CPNE4: variants seen among roughly 807,000 people sequenced by gnomAD.
The protein encoded by CPNE4 is copine-4.
CPNE4 carries 25 observed loss-of-function variants against 67.9 expected under a neutral mutation model. That is an observed-to-expected ratio of 0.37 (90% CI 0.27 to 0.51). The LOEUF (loss-of-function observed/expected upper bound fraction) is 0.51, where lower values mean the gene tolerates loss of function less well. CPNE4 is among the 20% of genes least tolerant of loss of function. The probability of loss-of-function intolerance (pLI) is 0.93; values close to 1 mark genes in which losing one functional copy is unlikely to be tolerated. For synonymous variants in CPNE4, 242 were observed against 244.9 expected (o/e 0.99, Z 0.11); for missense variants, 464 against 690.8 (o/e 0.67, Z 3.68).
chr3:131,833,420 G>A (rs1372677129), intron 2 of CPNE4, among the ~76,000 whole-genome samples: 1 of 152,162 alleles, frequency 6.6e-6, no homozygotes, highest in Non-Finnish European at 1.5e-5. Flanking sequence ...GGGGCTGGGA[G>A]GAGTGATCCA....
intron 1 of CPNE4, among the ~76,000 whole-genome samples, chr3:131,956,650 A>G (rs2071982533): frequency 6.6e-6 from 1 of 152,140 alleles, no homozygotes; most frequent in Non-Finnish European, 1.5e-5. Context: ...TTGAAAAACT[A>G]TATAAATATC....
rs1044293020 is a variant in CPNE4 at position 131,989,710 on chromosome 3, A to G, written c.-2+44857T>C. On this transcript the variant is annotated intron_variant, in intron 1 of 15. Transcript: ENST00000429747. ...TAAAACAATGTAATTTGAGGTGGTG[A>G]TAGGTGAGGAATAAATCCAAATTTT... 1.2e-4 allele frequency among the ~76,000 whole-genome samples: 17 copies of G among 136,904 alleles called. 1 individual carries two copies. The highest frequency in any genetic ancestry group is 3.4e-4 in the African/African-American group (14 of 40,812). The allele number at this position is 136,904 out of a possible 152,430, so 89.8% of individuals were successfully genotyped here.
intron 7 of CPNE4, among the ~76,000 whole-genome samples, chr3:131,657,112 C>A (rs1267414994): frequency 6.6e-6 from 1 of 152,124 alleles, no homozygotes; most frequent in Non-Finnish European, 1.5e-5. Context: ...TTTGTTTCTG[C>A]TATTTACTAT....
At chr3:131,778,269 C>A (rs1013699131) in intron 2 of CPNE4, among the ~76,000 whole-genome samples, 1 of 152,064 alleles carries the variant, frequency 6.6e-6, no homozygotes, top group Non-Finnish European at 1.5e-5. Context: ...CTTGCCTGAC[C>A]CACTCCATGG....
chr3:131,818,471 G>A (rs145462254), intron 2 of CPNE4, among the ~76,000 whole-genome samples: 2 of 152,286 alleles, frequency 1.3e-5, no homozygotes, highest in Non-Finnish European at 2.9e-5. Flanking sequence ...AATACTCATA[G>A]CTGCAAATGC....
upstream of CPNE4, chr3:132,037,445 G>A (rs2074359657): frequency 1.3e-6 from 1 of 795,484 alleles, no homozygotes; most frequent in Non-Finnish European, 2.1e-6. Flanking sequence ...ATGAAGATTT[G>A]TAACCAGCTA....
At chr3:131,720,795 C>G (rs2081864053) in intron 3 of CPNE4, among the ~76,000 whole-genome samples, 2 of 152,208 alleles carry the variant, frequency 1.3e-5, no homozygotes, top group South Asian at 4.1e-4. Flanking sequence ...TTCCTCTCCA[C>G]TATGGCGTTT....
At chr3:131,682,005 T>G (rs1472752617) in intron 6 of CPNE4, among the ~76,000 whole-genome samples, 1 of 152,108 alleles carries the variant, frequency 6.6e-6, no homozygotes. Context: ...CTTTGTTAAA[T>G]TTATTTGATA....
intron 1 of CPNE4, among the ~76,000 whole-genome samples, chr3:132,009,920 CA>C: frequency 6.6e-6 from 1 of 152,312 alleles, no homozygotes; most frequent in East Asian, 1.9e-4. Flanking sequence ...GATAGCCACA[CA>C]AATGATTCTA....
intron 2 of CPNE4, among the ~76,000 whole-genome samples, chr3:131,741,956 C>G (rs1174412933): frequency 6.6e-6 from 1 of 152,116 alleles, no homozygotes; most frequent in Non-Finnish European, 1.5e-5. Context: ...GCCCTCTATC[C>G]CTTCTTTTTC....
At chr3:131,541,796 G>A (rs935961459) in intron 15 of CPNE4, among the ~76,000 whole-genome samples, 4 of 151,830 alleles carry the variant, frequency 2.6e-5, no homozygotes, top group African/African-American at 7.3e-5. Flanking sequence ...TCAGCCTCCC[G>A]AGTAGCTGGG....
chr3:131,973,973 A>G (rs2072574978), intron 1 of CPNE4, among the ~76,000 whole-genome samples: 1 of 152,192 alleles, frequency 6.6e-6, no homozygotes, highest in Non-Finnish European at 1.5e-5. Flanking sequence ...ATGTTATCCC[A>G]AACTGCAGTC....
In CPNE4 at chr3:131,541,556, G is replaced by C. The variant is rs1281648275; in HGVS notation, c.1539+1001C>G. Among the ~76,000 whole-genome samples, 3 of 151,752 alleles carry C rather than the reference G, an allele frequency of 2.0e-5. No homozygotes were observed. In the East Asian group the frequency reaches 5.8e-4, roughly 29 times the overall value. ...GCAGGCGATTTCTGGCCCACAGAGA[G>C]GGCAATTCAAAGATTACTTTTTTTT... On this transcript the variant is annotated intron_variant, in intron 15 of 15. Coordinates refer to ENST00000429747, the MANE Select transcript of CPNE4 (RefSeq NM_130808.3).
chr3:131,726,460 C>T (rs1228890576), intron 2 of CPNE4, among the ~76,000 whole-genome samples: 1 of 152,196 alleles, frequency 6.6e-6, no homozygotes, highest in East Asian at 1.9e-4. Context: ...CTGAATATAA[C>T]TGCTCAGGAA....
chr3:131,989,572 C>A, intron 1 of CPNE4, among the ~76,000 whole-genome samples: 1 of 135,036 alleles, frequency 7.4e-6, no homozygotes, highest in Non-Finnish European at 1.7e-5. Context: ...TGAGAAGAAC[C>A]AAAGAAAATT....
chr3:131,946,606 TGTTGA>T (rs1436317041), intron 1 of CPNE4, among the ~76,000 whole-genome samples: 4 of 152,206 alleles, frequency 2.6e-5, no homozygotes, highest in East Asian at 3.8e-4. Flanking sequence ...AAATTTTTGT[TGTTGA>T]GTTGTGAGAG....
At position 131,838,635 on chromosome 3, in the gene CPNE4, CAGAG is replaced by C. The variant is rs543339919; in HGVS notation, c.180+66625_180+66628del. 1.7e-4 allele frequency among the ~76,000 whole-genome samples: 26 copies of C among 151,128 alleles called. No homozygotes were observed. In the East Asian group the frequency reaches 4.5e-3, roughly 26 times the overall value. Reference sequence around the variant, plus strand: ...AGGCTTTTACCAAAAGAAAATCTGACAGAGAGAAAAACCTATATAAGAATCTCAT... The same window carrying C: ...AGGCTTTTACCAAAAGAAAATCTGACAGAAAAACCTATATAAGAATCTCAT... On this transcript the variant is annotated intron_variant, in intron 2 of 15. Coordinates refer to ENST00000429747, the MANE Select transcript of CPNE4 (RefSeq NM_130808.3).
chr3:131,942,457 T>C (rs868751897), intron 1 of CPNE4, among the ~76,000 whole-genome samples: 1 of 60,980 alleles, frequency 1.6e-5, no homozygotes, highest in Non-Finnish European at 3.1e-5. Context: ...TGTGTGTGTG[T>C]GTGTGTGAGA....
chr3:131,860,966 G>C (rs7428670), intron 2 of CPNE4, among the ~76,000 whole-genome samples: 30,753 of 152,196 alleles, frequency 0.2, 3,863 homozygotes, highest in Non-Finnish European at 0.27. Context: ...CCCATGTCTA[G>C]TATGTCTTGC....
Sources: allele counts gnomAD v4.1 joint callset (sites outside exome capture counted in the v4.1 genomes callset), GRCh38; gene constraint gnomAD v4.1.1; transcripts MANE v1.5; gene names NCBI Gene and HGNC (gene_info 2026-07-23, HGNC 2026-07-21).